STARD8: variants seen among roughly 807,000 people sequenced by gnomAD.
STARD8 encodes the protein StAR related lipid transfer domain containing 8.
In STARD8, 25 loss-of-function variants were observed where a neutral mutation model predicts 69.4. The ratio of observed to expected loss-of-function variants is 0.36; its 90% CI spans 0.26 to 0.50. STARD8 has a LOEUF of 0.50. STARD8 is among the 20% of genes least tolerant of loss of function. The pLI is 0.96. For missense variants in STARD8, 921 were observed against 932.5 expected, an observed-to-expected ratio of 0.99 and a Z score of 0.16; for synonymous variants, 389 against 374.6, an observed-to-expected ratio of 1.04 and a Z score of -0.45.
chrX:68,652,595 G>A, intron 1 of STARD8, among the ~76,000 whole-genome samples: 1 of 110,737 alleles, frequency 9.0e-6, no homozygotes, highest in East Asian at 2.8e-4. Context: ...AGGCATCCAT[G>A]GCCCCTTGGT....
chrX:68,663,849 G>A (rs914612122), intron 1 of STARD8, among the ~76,000 whole-genome samples: 1 of 111,503 alleles, frequency 9.0e-6, no homozygotes, highest in African/African-American at 3.3e-5. Flanking sequence ...CTCTGGTCAC[G>A]CCGATCTCAT....
rs1455283953 is a variant in STARD8 at position 68,724,315 on chromosome X, C to T, written c.3205C>T (p.Pro1069Ser). Residue 1069 changes from proline (P) to serine (S), a missense_variant, in exon 15 of 15, where the codon CCT becomes TCT. Pro to Ser is a moderately conservative substitution (Grantham distance 74). Transcript: ENST00000374599. ...ICRADLRGRS[P>S]DWYNKVFGHL... ...CTTCTGCTTCCCTAGGGGCCGTTCT[C>T]CTGACTGGTACAACAAAGTCTTTGG... is the stretch of plus-strand genomic sequence containing the variant. 2 of 1,210,364 alleles carry T rather than the reference C, an allele frequency of 1.7e-6. No individual in the cohort carries two copies. Among genetic ancestry groups the T allele is most frequent in the South Asian group, 1.8e-5 (1 of 56,566 alleles).
chrX:68,668,262 CTTTCTTTCTTTCTCTTTCTT>C (rs1433063093), intron 2 of STARD8, among the ~76,000 whole-genome samples: 2 of 82,069 alleles, frequency 2.4e-5, no homozygotes, highest in Non-Finnish European at 4.5e-5. Context: ...TTCTTTCTTT[CTTTCTTTCTTTCTCTTTCTT>C]TCTTTCTTTC....
At chrX:68,665,901 T>C (rs964182787) in intron 2 of STARD8, among the ~76,000 whole-genome samples, 2 of 111,724 alleles carry the variant, frequency 1.8e-5, no homozygotes, top group Non-Finnish European at 3.8e-5. Flanking sequence ...AGAAAACAGG[T>C]AAGTGGAGGG....
chrX:68,717,973 C>A lies in STARD8; in HGVS notation c.1059C>A (p.Ser353Arg), dbSNP rs774602225. The change falls in exon 6 of 15, where the codon AGC becomes AGA. Residue 353 changes from serine to arginine, a missense_variant. Transcript: ENST00000374599. ...GTGGCTCAACGGGCAGCCATGCCAGCACGTATGACAACTTGCCTGAGCTGT... is the reference window on the plus strand; with the variant it reads ...GTGGCTCAACGGGCAGCCATGCCAGAACGTATGACAACTTGCCTGAGCTGT... ...GSCGSTGSHA[S>R]TYDNLPELYP... 2 of 1,208,506 alleles carry A rather than the reference C, an allele frequency of 1.7e-6. No homozygotes were observed. The highest frequency in any genetic ancestry group is 1.7e-5 in the African/African-American group (1 of 57,238).
intron 2 of STARD8, among the ~76,000 whole-genome samples, chrX:68,702,053 T>C (rs1357821083): frequency 8.9e-6 from 1 of 111,989 alleles, no homozygotes; most frequent in Non-Finnish European, 1.9e-5. Flanking sequence ...CTTATTCCCC[T>C]TTATCTTGCC....
chrX:68,674,289 G>A (rs1371638994), intron 2 of STARD8, among the ~76,000 whole-genome samples: 2 of 80,519 alleles, frequency 2.5e-5, no homozygotes, highest in Admixed American at 1.5e-4. Context: ...GCAAAACTCC[G>A]TCTCAAAAAA....
chrX:68,655,412 G>A (rs2079605412), intron 1 of STARD8, among the ~76,000 whole-genome samples: 1 of 112,192 alleles, frequency 8.9e-6, no homozygotes, highest in African/African-American at 3.2e-5. Flanking sequence ...ATAGAAGGAA[G>A]GTTCACTCGC....
Position 68,718,348 on chromosome X carries a change from A to T in STARD8, c.1434A>T (p.Ala478=). 1.7e-6 allele frequency: 2 copies of T among 1,208,428 alleles called. No individual in the cohort carries two copies. Among genetic ancestry groups the T allele is most frequent in the Non-Finnish European group, 2.2e-6 (2 of 893,911 alleles). ...CTCCAGCTGAGGCTGAACCAGTGGC[A>T]CAGGAAGAGGCTGAGGCCCCGGCCC... is the stretch of plus-strand genomic sequence containing the variant. ...AQAPAEAEPV[A]QEEAEAPAPA... Residue 478 remains alanine (A), a synonymous_variant, in exon 6 of 15, where the codon GCA becomes GCT. Coordinates refer to ENST00000374599, the MANE Select transcript of STARD8 (RefSeq NM_001142503.3).
chrX:68,686,805 T>C (rs1410143438), intron 2 of STARD8, among the ~76,000 whole-genome samples: 1 of 112,346 alleles, frequency 8.9e-6, no homozygotes, highest in East Asian at 2.8e-4. Context: ...CCCCGCCCTA[T>C]GGGTGCCCCA....
rs1203280427 is a variant in STARD8, at chrX:68,719,406, G to T, written c.1889+8G>T. On this transcript the variant is annotated splice_region_variant and intron_variant, in intron 7 of 14. Transcript: ENST00000374599. ...CAAGCAGGGCTGGGTCTGGTGAGTG[G>T]CTCCTGGGCCATGGAGGGTGGGGAA... 8.7e-7 allele frequency: 1 copy of T among 1,151,120 alleles called. No homozygotes were observed. The highest frequency in any genetic ancestry group is 1.2e-6 in the Non-Finnish European group (1 of 863,730). The allele number at this position is 1,151,120 out of a possible 1,213,427, so 94.9% of individuals were successfully genotyped here.
intron 2 of STARD8, among the ~76,000 whole-genome samples, chrX:68,666,892 C>T (rs1046953170): frequency 8.9e-6 from 1 of 111,969 alleles, no homozygotes; most frequent in African/African-American, 3.3e-5. Context: ...TTCAGAGACA[C>T]CAGCTTCAAA....
intron 1 of STARD8, among the ~76,000 whole-genome samples, chrX:68,653,579 C>T (rs1341131226): frequency 2.1e-5 from 2 of 93,400 alleles, no homozygotes; most frequent in African/African-American, 4.1e-5. Context: ...ACACACCACA[C>T]ACACACCACA....
intron 3 of STARD8, among the ~76,000 whole-genome samples, chrX:68,714,011 G>A (rs926721205): frequency 8.9e-6 from 1 of 111,737 alleles, no homozygotes; most frequent in Non-Finnish European, 1.9e-5. Context: ...CCTTCAGCAA[G>A]ACCTTTTTCC....
chrX:68,661,009 C>G (rs2079640983), intron 1 of STARD8, among the ~76,000 whole-genome samples: 1 of 111,781 alleles, frequency 8.9e-6, no homozygotes, highest in African/African-American at 3.3e-5. Flanking sequence ...GACTGTGGTC[C>G]TAGGCCTGGG....
chrX:68,712,919 G>A lies in STARD8; in HGVS notation c.85G>A (p.Glu29Lys), dbSNP rs201482834. The A allele has an allele frequency of 1.0e-4, 123 of 1,203,504 alleles. No individual in the cohort carries two copies. The highest frequency in any genetic ancestry group is 3.4e-4 in the South Asian group (19 of 55,302). The change falls in exon 3 of 15, where the codon GAG (glutamate) becomes AAG (lysine). Residue 29 changes from glutamate (E) to lysine (K), a missense_variant. Glu to Lys is a moderately conservative substitution (Grantham distance 56, BLOSUM62 1). Transcript: ENST00000374599. Reference sequence around the variant, plus strand: ...TTTCCCTTGTTCTGTTTTAGAAGCCGAGGCCAAAAGAGCATGTGAGTGGCT... The same window carrying A: ...TTTCCCTTGTTCTGTTTTAGAAGCCAAGGCCAAAAGAGCATGTGAGTGGCT... Reference protein sequence around the residue: ...LLQVKKNAEAEAKRACEWLQA... With the variant: ...LLQVKKNAEAKAKRACEWLQA...
chrX:68,722,627 C>A lies in STARD8; in HGVS notation c.2780C>A (p.Thr927Lys). 8.3e-7 allele frequency: 1 copy of A among 1,211,478 alleles called. No homozygotes were observed. The highest frequency in any genetic ancestry group is 1.1e-6 in the Non-Finnish European group (1 of 895,339). The part of the protein sequence containing the change: ...GWMSVPGPQH[T>K]ELACRKAPDG... The stretch of plus-strand genomic sequence containing the variant: ...ATGAGCGTGCCAGGGCCCCAGCACA[C>A]GGAGCTGGCTTGCAGGAAGGTGAGT... Residue 927 changes from threonine (T) to lysine (K), a missense_variant, in exon 12 of 15, where the codon ACG becomes AAG. By Grantham distance (78) the Thr-to-Lys change is moderately conservative (BLOSUM62 -1). Coordinates refer to ENST00000374599, the MANE Select transcript of STARD8 (RefSeq NM_001142503.3).
chrX:68,689,099 G>C (rs2079856002), intron 2 of STARD8, among the ~76,000 whole-genome samples: 1 of 103,049 alleles, frequency 9.7e-6, no homozygotes, highest in African/African-American at 3.5e-5. Context: ...GTGTGGGGCT[G>C]TGTCAGAGGC....
chrX:68,724,385 C>A lies in STARD8; in HGVS notation c.3275C>A (p.Pro1092His). The A allele has an allele frequency of 8.3e-7, 1 of 1,206,477 alleles. No individual in the cohort carries two copies. Among genetic ancestry groups the A allele is most frequent in the Non-Finnish European group, 1.1e-6 (1 of 892,752 alleles). ...GTGGCAAAGATCCGGGACTCCTTCC[C>A]CACCCTGCAGGCAGCGGGCCCTGAG... ...MEVAKIRDSF[P>H]TLQAAGPETK... Residue 1092 changes from proline (P) to histidine (H), a missense_variant, in exon 15 of 15, where the codon CCC (proline) becomes CAC (histidine). Transcript: ENST00000374599.
Sources: gnomAD v4.1 joint callset for allele counts (sites outside exome capture counted in the v4.1 genomes callset) on GRCh38, gnomAD v4.1.1 for gene constraint, MANE v1.5 for transcripts, NCBI Gene and HGNC (gene_info 2026-07-23, HGNC 2026-07-21) for gene names.